The following FGF12 variants were observed in gnomAD, a reference collection of about 807,000 sequenced individuals.
The protein encoded by FGF12 is fibroblast growth factor 12B.
Under a neutral mutation model 23.6 loss-of-function variants are expected in FGF12, and 14 were observed. The observed-to-expected ratio is 0.59, with a 90% CI of 0.39 to 0.93. The LOEUF (loss-of-function observed/expected upper bound fraction) is 0.93, where lower values mean the gene tolerates loss of function less well. Among genes scored for constraint, FGF12 ranks in the 40% least tolerant of loss-of-function variants. The pLI is 0.00. For synonymous variants in FGF12, 62 were observed against 77.3 expected (o/e 0.80, Z 1.04); for missense variants, 175 against 217.8 (o/e 0.80, Z 1.24).
At chr3:192,378,971 T>A (rs1719695044) in intron 2 of FGF12, among the ~76,000 whole-genome samples, 1 of 152,194 alleles carries the variant, frequency 6.6e-6, no homozygotes, top group Non-Finnish European at 1.5e-5. Context: ...CCATGATTTC[T>A]CATCATTTAG....
intron 4 of FGF12, among the ~76,000 whole-genome samples, chr3:192,227,383 C>T (rs2108579770): frequency 6.6e-6 from 1 of 152,068 alleles, no homozygotes; most frequent in Admixed American, 6.6e-5. Flanking sequence ...CTTTCCTTTG[C>T]TTTTATGAGG....
At chr3:192,705,154 C>T (rs973481991) in intron 2 of FGF12, among the ~76,000 whole-genome samples, 4 of 152,222 alleles carry the variant, frequency 2.6e-5, no homozygotes, top group Non-Finnish European at 4.4e-5. Context: ...TTTACATACA[C>T]CACTTGGCTA....
intron 4 of FGF12, chr3:192,237,942 C>T (rs1341537153): frequency 1.3e-5 from 2 of 152,264 alleles, no homozygotes; most frequent in African/African-American, 2.4e-5. Flanking sequence ...TAGTTCTTAT[C>T]TGTGTGGACT....
intron 2 of FGF12, among the ~76,000 whole-genome samples, chr3:192,649,301 A>G (rs1415303444): frequency 6.6e-6 from 1 of 152,148 alleles, no homozygotes; most frequent in African/African-American, 2.4e-5. Flanking sequence ...TATAGTAAGT[A>G]GAGTGACCCC....
chr3:192,404,915 A>G (rs1472220334), intron 2 of FGF12, among the ~76,000 whole-genome samples: 1 of 152,196 alleles, frequency 6.6e-6, no homozygotes, highest in African/African-American at 2.4e-5. Flanking sequence ...CTAATTATAA[A>G]ATAACGATCA....
chr3:192,504,713 C>G (rs1724242616), intron 2 of FGF12, among the ~76,000 whole-genome samples: 1 of 152,194 alleles, frequency 6.6e-6, no homozygotes, highest in African/African-American at 2.4e-5. Context: ...CCAAATCTCT[C>G]TCACACTACT....
intron 2 of FGF12, among the ~76,000 whole-genome samples, chr3:192,392,286 A>C (rs1720323924): frequency 6.6e-6 from 1 of 152,036 alleles, no homozygotes; most frequent in Non-Finnish European, 1.5e-5. Context: ...AGCTGAACTA[A>C]GGCTGTGAGC....
intron 2 of FGF12, among the ~76,000 whole-genome samples, chr3:192,372,221 G>A (rs1042660807): frequency 6.6e-6 from 1 of 152,174 alleles, no homozygotes; most frequent in Non-Finnish European, 1.5e-5. Flanking sequence ...TGACATCAGG[G>A]GAGCTGCACA....
chr3:192,726,937 C>CA (rs2108750965), intron 2 of FGF12: 2 of 550,428 alleles, frequency 3.6e-6, no homozygotes, highest in Admixed American at 3.1e-5. Context: ...CACCTCCCCC[C>CA]AAAAAACTCA....
chr3:192,328,252 G>A (rs985846840), intron 4 of FGF12, among the ~76,000 whole-genome samples: 6 of 152,192 alleles, frequency 3.9e-5, no homozygotes, highest in Non-Finnish European at 8.8e-5. Context: ...GTTTTCCTGA[G>A]AGCCTTCGGC....
At chr3:192,500,892 T>C (rs1156460394) in intron 2 of FGF12, among the ~76,000 whole-genome samples, 2 of 152,186 alleles carry the variant, frequency 1.3e-5, no homozygotes, top group Non-Finnish European at 2.9e-5. Context: ...CTCTGAAGGT[T>C]GTTCAAGATC....
chr3:192,565,005 G>C (rs901206260), intron 2 of FGF12, among the ~76,000 whole-genome samples: 2 of 152,174 alleles, frequency 1.3e-5, no homozygotes, highest in Non-Finnish European at 2.9e-5. Context: ...TGTATTAAAT[G>C]AGGTTATCTA....
chr3:192,615,150 T>A (rs1286648191), intron 2 of FGF12, among the ~76,000 whole-genome samples: 1 of 151,988 alleles, frequency 6.6e-6, no homozygotes, highest in Non-Finnish European at 1.5e-5. Flanking sequence ...CAGTATTGAT[T>A]TTGTGTGTCT....
intron 4 of FGF12, among the ~76,000 whole-genome samples, chr3:192,203,373 TTTA>T (rs1327348578): frequency 6.6e-6 from 1 of 152,164 alleles, no homozygotes; most frequent in East Asian, 1.9e-4. Flanking sequence ...GAGGTAAAAC[TTTA>T]TTTTCATTCA....
chr3:192,718,170 T>C (rs1294830618), intron 2 of FGF12, among the ~76,000 whole-genome samples: 4 of 146,798 alleles, frequency 2.7e-5, no homozygotes, highest in Non-Finnish European at 6.0e-5. Context: ...TCTTTTTTTT[T>C]TTTTTTTTTT....
intron 2 of FGF12, among the ~76,000 whole-genome samples, chr3:192,581,328 G>A (rs568834329): frequency 1.3e-5 from 2 of 151,806 alleles, no homozygotes; most frequent in Admixed American, 6.6e-5. Flanking sequence ...AACTTTGGGA[G>A]GCTGAGGCAG....
chr3:192,557,607 C>G (rs1711842148), intron 2 of FGF12, among the ~76,000 whole-genome samples: 1 of 151,654 alleles, frequency 6.6e-6, no homozygotes, highest in Non-Finnish European at 1.5e-5. Flanking sequence ...AACAAAGACA[C>G]CAAAAGAAAG....
intron 4 of FGF12, among the ~76,000 whole-genome samples, chr3:192,325,754 C>T (rs1336276647): frequency 6.6e-6 from 1 of 152,150 alleles, no homozygotes; most frequent in Non-Finnish European, 1.5e-5. Flanking sequence ...AGGAAGATAT[C>T]ATGGCTAATC....
intron 2 of FGF12, among the ~76,000 whole-genome samples, chr3:192,468,218 C>T (rs868405061): frequency 6.6e-6 from 1 of 152,156 alleles, no homozygotes; most frequent in Non-Finnish European, 1.5e-5. Flanking sequence ...TAATCTAGCT[C>T]CCCTTAATGT....
Sources: allele counts gnomAD v4.1 joint callset (sites outside exome capture counted in the v4.1 genomes callset), GRCh38; gene constraint gnomAD v4.1.1; transcripts MANE v1.5; gene names NCBI Gene and HGNC (gene_info 2026-07-23, HGNC 2026-07-21).